STXBP5: variants seen among roughly 807,000 people sequenced by gnomAD.
STXBP5 encodes the protein syntaxin-binding protein 5.
Under a neutral mutation model 152.4 loss-of-function variants are expected in STXBP5, and 50 were observed. That is an observed-to-expected ratio of 0.33 (90% confidence interval 0.26 to 0.42). The LOEUF (loss-of-function observed/expected upper bound fraction) is 0.42. Among genes scored for constraint, STXBP5 ranks in the 10% least tolerant of loss-of-function variants. The pLI, the probability that STXBP5 is intolerant of heterozygous loss-of-function variation, is 1.00. For synonymous variants in STXBP5, 492 were observed against 494.7 expected (o/e 0.99, Z 0.07); for missense variants, 1,167 against 1,388.6 (o/e 0.84, Z 2.54).
At chr6:147,319,655 A>G (rs949580950) in intron 16 of STXBP5, among the ~76,000 whole-genome samples, 5 of 152,128 alleles carry the variant, frequency 3.3e-5, no homozygotes, top group African/African-American at 1.2e-4. Flanking sequence ...GTTTGGTGTC[A>G]GATAGAGGTA....
intron 22 of STXBP5, among the ~76,000 whole-genome samples, chr6:147,355,901 C>T (rs1784794907): frequency 6.6e-6 from 1 of 151,670 alleles, no homozygotes; most frequent in Non-Finnish European, 1.5e-5. Context: ...CCACAGAGAC[C>T]CATAATGCTT....
chr6:147,226,665 G>A (rs150882680), intron 2 of STXBP5, among the ~76,000 whole-genome samples: 6 of 152,314 alleles, frequency 3.9e-5, no homozygotes, highest in African/African-American at 1.4e-4. Context: ...ACTGATGTTT[G>A]TGAGAATAAT....
intron 7 of STXBP5, among the ~76,000 whole-genome samples, chr6:147,272,013 GA>G (rs1780196256): frequency 6.6e-6 from 1 of 152,074 alleles, no homozygotes; most frequent in Non-Finnish European, 1.5e-5. Flanking sequence ...CAATTTAGAT[GA>G]AATGGAGAAT....
chr6:147,328,789 C>A, intron 18 of STXBP5: 1 of 469,926 alleles, frequency 2.1e-6, no homozygotes, highest in Non-Finnish European at 4.4e-6. Flanking sequence ...TTAAGTAAGT[C>A]ATTTATGCCT....
chr6:147,231,804 A>G (rs149959180), intron 2 of STXBP5, among the ~76,000 whole-genome samples: 86 of 151,958 alleles, frequency 5.7e-4, no homozygotes, highest in African/African-American at 2.0e-3. Context: ...GCAGATCTTC[A>G]TTATAGTGTT....
At chr6:147,297,484 G>A (rs1371455450) in intron 9 of STXBP5, among the ~76,000 whole-genome samples, 1 of 152,096 alleles carries the variant, frequency 6.6e-6, no homozygotes, top group African/African-American at 2.4e-5. Flanking sequence ...TGAAAAGCAG[G>A]TAATTACTGT....
chr6:147,311,852 AT>A (rs1782394218), intron 11 of STXBP5, among the ~76,000 whole-genome samples: 2 of 152,164 alleles, frequency 1.3e-5, no homozygotes, highest in African/African-American at 4.8e-5. Context: ...AAAATAAGCT[AT>A]TTTAGGCTTT....
At chr6:147,232,332 G>A (rs1343548990) in intron 2 of STXBP5, among the ~76,000 whole-genome samples, 1 of 151,832 alleles carries the variant, frequency 6.6e-6, no homozygotes, top group Non-Finnish European at 1.5e-5. Context: ...TAGCAAGTTT[G>A]CAGTGGGGCC....
intron 4 of STXBP5, among the ~76,000 whole-genome samples, chr6:147,254,036 A>G (rs1388601855): frequency 6.6e-6 from 1 of 152,230 alleles, no homozygotes; most frequent in Non-Finnish European, 1.5e-5. Context: ...ACCTGACTTC[A>G]AACTATTCTA....
intron 27 of STXBP5, 25 bp from the exon 28 acceptor site, chr6:147,384,689 G>A: frequency 6.2e-7 from 1 of 1,602,900 alleles, no homozygotes; most frequent in Non-Finnish European, 8.5e-7. Flanking sequence ...TTAAAAGCAT[G>A]TTTTTCTTTT....
At chr6:147,237,635 G>T (rs951719658) in intron 3 of STXBP5, among the ~76,000 whole-genome samples, 1 of 152,124 alleles carries the variant, frequency 6.6e-6, no homozygotes, top group Non-Finnish European at 1.5e-5. Flanking sequence ...AGAGAGTGTG[G>T]ACTTTATGTA....
chr6:147,221,723 A>G (rs1777471722), intron 2 of STXBP5, among the ~76,000 whole-genome samples: 1 of 151,228 alleles, frequency 6.6e-6, no homozygotes, highest in Non-Finnish European at 1.5e-5. Context: ...ATTTGAATAT[A>G]ATATGTCTAG....
At chr6:147,332,434 A>T (rs925945524) in intron 18 of STXBP5, among the ~76,000 whole-genome samples, 1 of 152,248 alleles carries the variant, frequency 6.6e-6, no homozygotes, top group Non-Finnish European at 1.5e-5. Context: ...AGATGATTTC[A>T]GGTTTAAAGG....
rs907037322 is a variant in STXBP5, at chr6:147,325,188, A to G, written c.1928+104A>G. 4.5e-6 allele frequency: 5 copies of G among 1,117,906 alleles called. No homozygotes were observed. In the African/African-American group the frequency reaches 4.8e-5, roughly 11 times the overall value. The allele number at this position is 1,117,906 out of a possible 1,614,324, so 69.2% of individuals were successfully genotyped here. ...GGTCTTTGTTATATCGTCACCTAAA[A>G]TGGCATTCTACAATTTTGATTTCAG... On this transcript the variant is annotated intron_variant, in intron 17 of 27. Coordinates refer to ENST00000321680, the MANE Select transcript of STXBP5 (RefSeq NM_001127715.4).
intron 9 of STXBP5, among the ~76,000 whole-genome samples, chr6:147,302,642 C>G (rs1283783366): frequency 2.6e-5 from 4 of 151,786 alleles, no homozygotes; most frequent in African/African-American, 7.3e-5. Context: ...TGGTGAAACC[C>G]CGACTCTCCT....
chr6:147,250,917 G>C (rs1779051540), intron 4 of STXBP5, among the ~76,000 whole-genome samples: 1 of 140,264 alleles, frequency 7.1e-6, no homozygotes, highest in Non-Finnish European at 1.5e-5. Flanking sequence ...GCAGCAAGCT[G>C]AGATCACATC....
At chr6:147,287,499 G>T (rs1212939214) in intron 8 of STXBP5, among the ~76,000 whole-genome samples, 1 of 152,168 alleles carries the variant, frequency 6.6e-6, no homozygotes, top group African/African-American at 2.4e-5. Flanking sequence ...ACCGCGCCCG[G>T]CCTGTACATT....
Position 147,314,230 on chromosome 6 carries a change from G to A in STXBP5, c.1294-34G>A, listed in dbSNP as rs770269721. ...ACACACGGAGGTATGTAGTATGCTT[G>A]CAAGTTGCTTTATACAGTCATCTTT... On this transcript the variant is annotated intron_variant, in intron 12 of 27. Transcript: ENST00000321680. 8 of 1,555,832 alleles carry A rather than the reference G, an allele frequency of 5.1e-6. No homozygotes were observed. The East Asian group carries it at 1.6e-4, about 30-fold the overall frequency.
intron 15 of STXBP5, 146 bp from the exon 16 acceptor site, chr6:147,316,083 A>G: frequency 1.2e-6 from 1 of 804,206 alleles, no homozygotes; most frequent in South Asian, 1.9e-5. Flanking sequence ...CTAAATCCTT[A>G]TTTTTTGAAA....
Sources: allele counts gnomAD v4.1 joint callset (sites outside exome capture counted in the v4.1 genomes callset), GRCh38; gene constraint gnomAD v4.1.1; transcripts MANE v1.5; gene names NCBI Gene and HGNC (gene_info 2026-07-23, HGNC 2026-07-21).